SPECC1: variants seen among roughly 807,000 people sequenced by gnomAD.
The protein encoded by SPECC1 is sperm antigen with calponin homology and coiled-coil domains 1.
A neutral mutation model predicts 104.1 loss-of-function variants in SPECC1; 62 were observed. That is an observed-to-expected ratio of 0.60 (90% CI 0.49 to 0.74). The LOEUF (loss-of-function observed/expected upper bound fraction) is 0.74. Ranked by LOEUF, SPECC1 falls within the 30% of genes least tolerant of loss-of-function variation. SPECC1 has a pLI of 0.00. For synonymous variants in SPECC1, 513 were observed against 501.6 expected (o/e 1.02, Z -0.30); for missense variants, 1,306 against 1,310.5 (o/e 1.00, Z 0.05).
At chr17:20,162,347 C>T (rs554491182) in intron 3 of SPECC1, among the ~76,000 whole-genome samples, 7 of 151,642 alleles carry the variant, frequency 4.6e-5, no homozygotes, top group Non-Finnish European at 1.0e-4. Context: ...AGGGTTTCAC[C>T]GCGTTAGCCA....
intron 2 of SPECC1, among the ~76,000 whole-genome samples, chr17:20,100,868 A>T (rs1205976529): frequency 6.6e-6 from 1 of 151,862 alleles, no homozygotes; most frequent in East Asian, 1.9e-4. Context: ...CCCTGTGTCC[A>T]TTTGTTCTCA....
chr17:20,259,548 C>T (rs188944147), intron 11 of SPECC1, among the ~76,000 whole-genome samples: 80 of 152,008 alleles, frequency 5.3e-4, no homozygotes, highest in African/African-American at 1.8e-3. Flanking sequence ...CTCTGTTGCC[C>T]GGGCTGTAGT....
chr17:20,236,843 C>G lies in SPECC1; in HGVS notation c.2351+4438C>G, dbSNP rs762786062. 6 of 1,613,686 alleles carry G rather than the reference C, an allele frequency of 3.7e-6. No homozygotes were observed. In the Middle Eastern group the frequency reaches 4.9e-4, roughly 133 times the overall value. ...TAACTCCTTTACAGCCTCTCCCTCCCGTTTCTATTTTCACAGCTCCCTGGG... is the reference window on the plus strand; with the variant it reads ...TAACTCCTTTACAGCCTCTCCCTCCGGTTTCTATTTTCACAGCTCCCTGGG... On this transcript the variant is annotated intron_variant, in intron 7 of 14. Transcript: ENST00000395527.
intron 3 of SPECC1, among the ~76,000 whole-genome samples, chr17:20,113,772 C>A (rs1159492467): frequency 6.6e-6 from 1 of 152,196 alleles, no homozygotes; most frequent in Admixed American, 6.5e-5. Flanking sequence ...CCACTCAACA[C>A]CAGACCAAGC....
chr17:20,223,106 C>T, intron 4 of SPECC1, among the ~76,000 whole-genome samples: 1 of 151,982 alleles, frequency 6.6e-6, no homozygotes, highest in East Asian at 1.9e-4. Flanking sequence ...CTGTTGTTAT[C>T]CCTTTGAATA....
intron 13 of SPECC1, among the ~76,000 whole-genome samples, chr17:20,302,878 TAA>T (rs35060925): frequency 0.015 from 951 of 61,834 alleles, 17 homozygotes; most frequent in African/African-American, 0.06. Flanking sequence ...TGAGCCCATC[TAA>T]AAAAAAAAAA....
chr17:20,109,120 T>C (rs1189899316), intron 2 of SPECC1, among the ~76,000 whole-genome samples: 1 of 152,138 alleles, frequency 6.6e-6, no homozygotes, highest in Non-Finnish European at 1.5e-5. Flanking sequence ...GGGGTGAGGG[T>C]GGTTACACCC....
At chr17:20,286,794 C>G (rs1398630287) in intron 12 of SPECC1, among the ~76,000 whole-genome samples, 2 of 152,220 alleles carry the variant, frequency 1.3e-5, no homozygotes, top group Admixed American at 6.5e-5. Context: ...TTGCCTAGCT[C>G]CTGGCTGCCC....
intron 7 of SPECC1, chr17:20,239,439 C>T (rs769946784): frequency 1.3e-5 from 4 of 296,556 alleles, no homozygotes; most frequent in Non-Finnish European, 2.1e-5. Flanking sequence ...TACTCTGCAC[C>T]TTTTTATTTT....
intron 1 of SPECC1, among the ~76,000 whole-genome samples, chr17:20,075,602 G>A (rs760096042): frequency 7.9e-5 from 12 of 152,082 alleles, no homozygotes; most frequent in Non-Finnish European, 1.3e-4. Flanking sequence ...AGGAGTTCGA[G>A]AACAGCCTGG....
At chr17:20,312,233 TG>T (rs2041951635) in intron 14 of SPECC1, among the ~76,000 whole-genome samples, 1 of 152,242 alleles carries the variant, frequency 6.6e-6, no homozygotes, top group Non-Finnish European at 1.5e-5. Flanking sequence ...TGAAATCATC[TG>T]GGTCTGGTAT....
At chr17:20,011,217 T>C (rs2043931569) in intron 1 of SPECC1, among the ~76,000 whole-genome samples, 1 of 152,250 alleles carries the variant, frequency 6.6e-6, no homozygotes, top group South Asian at 2.1e-4. Flanking sequence ...CCCTCAAGTT[T>C]GGCAGAACTT....
chr17:20,258,226 A>C (rs548960552), intron 11 of SPECC1, among the ~76,000 whole-genome samples: 4 of 152,320 alleles, frequency 2.6e-5, no homozygotes, highest in African/African-American at 4.8e-5. Flanking sequence ...GATTCATCAG[A>C]AAACAGTGGT....
intron 1 of SPECC1, among the ~76,000 whole-genome samples, chr17:20,029,584 CA>C (rs576290325): frequency 9.2e-4 from 140 of 152,298 alleles, no homozygotes; most frequent in Admixed American, 2.6e-3. Context: ...TCTTGGTTGT[CA>C]ATTCAGTCTC....
At chr17:20,175,414 G>A (rs1237903443) in intron 3 of SPECC1, among the ~76,000 whole-genome samples, 3 of 152,084 alleles carry the variant, frequency 2.0e-5, no homozygotes, top group African/African-American at 7.2e-5. Flanking sequence ...TTTCTTCTGT[G>A]TGTGCCCTCT....
intron 3 of SPECC1, chr17:20,112,878 G>T (rs2048563363): frequency 6.3e-7 from 1 of 1,582,272 alleles, no homozygotes; most frequent in Admixed American, 1.7e-5. Flanking sequence ...TTAGAGAATT[G>T]TGATCTGTCT....
intron 1 of SPECC1, among the ~76,000 whole-genome samples, chr17:20,019,665 A>G (rs908808053): frequency 2.5e-4 from 38 of 152,316 alleles, no homozygotes; most frequent in African/African-American, 9.1e-4. Flanking sequence ...CAGGAATGAC[A>G]CGAAAGAGCT....
At chr17:20,094,409 A>C (rs1469161533) in intron 1 of SPECC1, among the ~76,000 whole-genome samples, 1 of 152,158 alleles carries the variant, frequency 6.6e-6, no homozygotes, top group African/African-American at 2.4e-5. Flanking sequence ...TAGATCTTTT[A>C]ATTTTGACTG....
intron 12 of SPECC1, among the ~76,000 whole-genome samples, chr17:20,268,730 T>A (rs1304823939): frequency 6.6e-6 from 1 of 152,200 alleles, no homozygotes; most frequent in Non-Finnish European, 1.5e-5. Flanking sequence ...TCCTACAACC[T>A]GTGACAACAG....
Sources: allele counts gnomAD v4.1 joint callset (sites outside exome capture counted in the v4.1 genomes callset), GRCh38; gene constraint gnomAD v4.1.1; transcripts MANE v1.5; gene names NCBI Gene and HGNC (gene_info 2026-07-23, HGNC 2026-07-21).